ROR2: variants seen among roughly 807,000 people sequenced by gnomAD.
ROR2 encodes the protein ROR family WNT receptor 2, also known as tyrosine-protein kinase transmembrane receptor ROR2.
ROR2 carries 33 observed loss-of-function variants against 74.9 expected under a neutral mutation model. The observed-to-expected ratio is 0.44, with a 90% CI of 0.33 to 0.59. The LOEUF (loss-of-function observed/expected upper bound fraction) is 0.59. ROR2 is among the 20% of genes least tolerant of loss of function. The probability of loss-of-function intolerance (pLI) is 0.02; values close to 1 mark genes in which losing one functional copy is unlikely to be tolerated. For synonymous variants in ROR2, 586 were observed against 558.7 expected (o/e 1.05, Z -0.69); for missense variants, 1,216 against 1,313.8 (o/e 0.93, Z 1.15).
chr9:91,854,362 A>T (rs1395860283), intron 1 of ROR2, among the ~76,000 whole-genome samples: 1 of 152,196 alleles, frequency 6.6e-6, no homozygotes, highest in Non-Finnish European at 1.5e-5. Context: ...GGCCAATGGC[A>T]ACACTCTCCA....
At chr9:91,752,092 C>G (rs1403220483) in intron 4 of ROR2, among the ~76,000 whole-genome samples, 1 of 152,128 alleles carries the variant, frequency 6.6e-6, no homozygotes, top group Non-Finnish European at 1.5e-5. Flanking sequence ...AAAGGCTGAC[C>G]ACACCAATGT....
chr9:91,898,122 C>T (rs966980817), intron 1 of ROR2, among the ~76,000 whole-genome samples: 8 of 152,162 alleles, frequency 5.3e-5, no homozygotes, highest in African/African-American at 9.7e-5. Context: ...TCATGGTCAC[C>T]GGTTCTGGAA....
intron 1 of ROR2, among the ~76,000 whole-genome samples, chr9:91,865,216 T>C (rs1338043381): frequency 6.6e-6 from 1 of 152,220 alleles, no homozygotes; most frequent in East Asian, 1.9e-4. Flanking sequence ...ATGAAGGCAC[T>C]TGCTGCTCTT....
At chr9:91,727,687 TTC>T (rs111850773) in intron 7 of ROR2, among the ~76,000 whole-genome samples, 2,657 of 152,266 alleles carry the variant, frequency 0.017, 69 homozygotes, top group African/African-American at 0.061. Context: ...AACCACGGTG[TTC>T]TGTTTTCTCC....
chr9:91,914,580 G>A lies in ROR2; in HGVS notation c.97+35287C>T, dbSNP rs540231466. Among the ~76,000 whole-genome samples the A allele has an allele frequency of 3.9e-5, 6 of 152,278 alleles. No homozygotes were observed. In the East Asian group the frequency reaches 5.8e-4, roughly 15 times the overall value. ...CCTTGTGGGCACAGTGGCCGCTCCA[G>A]GGATCACACCAGCTACTGACTAAAC... On this transcript the variant is annotated intron_variant, in intron 1 of 8. Transcript: ENST00000375708.
At chr9:91,768,580 G>A (rs1826129764) in intron 2 of ROR2, among the ~76,000 whole-genome samples, 1 of 152,162 alleles carries the variant, frequency 6.6e-6, no homozygotes, top group African/African-American at 2.4e-5. Context: ...TCAGATGAGG[G>A]AAACGGCCGC....
At chr9:91,859,010 A>T (rs181980986) in intron 1 of ROR2, among the ~76,000 whole-genome samples, 1,910 of 152,176 alleles carry the variant, frequency 0.013, 43 homozygotes, top group African/African-American at 0.043. Context: ...AGGAGGGATG[A>T]AGAACAAATG....
At chr9:91,817,440 A>G (rs939205133) in intron 1 of ROR2, among the ~76,000 whole-genome samples, 1 of 152,194 alleles carries the variant, frequency 6.6e-6, no homozygotes, top group Non-Finnish European at 1.5e-5. Context: ...TCTCTACCTC[A>G]AGGCACCAGG....
intron 1 of ROR2, among the ~76,000 whole-genome samples, chr9:91,945,772 G>T (rs1312454554): frequency 6.6e-6 from 1 of 152,024 alleles, no homozygotes; most frequent in Non-Finnish European, 1.5e-5. Context: ...CAATTCTTTG[G>T]CCACTCTACG....
intron 1 of ROR2, among the ~76,000 whole-genome samples, chr9:91,918,105 A>C (rs1831180833): frequency 6.6e-6 from 1 of 152,110 alleles, no homozygotes; most frequent in Non-Finnish European, 1.5e-5. Flanking sequence ...CCCCGTCTCT[A>C]CTAAATATAA....
intron 1 of ROR2, among the ~76,000 whole-genome samples, chr9:91,821,170 G>A (rs1327272650): frequency 1.3e-5 from 2 of 151,720 alleles, no homozygotes; most frequent in Admixed American, 6.6e-5. Flanking sequence ...TGAGGACACA[G>A]GGAGAAGACA....
At chr9:91,857,834 G>T (rs111862502) in intron 1 of ROR2, among the ~76,000 whole-genome samples, 2 of 152,166 alleles carry the variant, frequency 1.3e-5, no homozygotes, top group African/African-American at 4.8e-5. Context: ...TTCATTGAAC[G>T]GAGTATTTAG....
intron 5 of ROR2, among the ~76,000 whole-genome samples, chr9:91,736,098 A>G (rs757305619): frequency 6.6e-6 from 1 of 152,172 alleles, no homozygotes; most frequent in Non-Finnish European, 1.5e-5. Flanking sequence ...ACCTTTGAGA[A>G]GTCCTACTTT....
intron 1 of ROR2, among the ~76,000 whole-genome samples, chr9:91,820,026 TGAA>T (rs1322574537): frequency 2.0e-5 from 3 of 152,328 alleles, no homozygotes; most frequent in African/African-American, 4.8e-5. Flanking sequence ...ACCTGTCATA[TGAA>T]GAAGAAGGGG....
intron 2 of ROR2, among the ~76,000 whole-genome samples, chr9:91,774,348 T>C (rs917477049): frequency 1.3e-5 from 2 of 152,144 alleles, no homozygotes; most frequent in Non-Finnish European, 1.5e-5. Context: ...AGCCACTCTG[T>C]AGATTGGACA....
At chr9:91,748,268 C>T (rs1006445131) in intron 4 of ROR2, among the ~76,000 whole-genome samples, 4 of 148,650 alleles carry the variant, frequency 2.7e-5, no homozygotes, top group Non-Finnish European at 4.4e-5. Flanking sequence ...AAAAGCGAGA[C>T]GCTGTCTCAA....
intron 1 of ROR2, among the ~76,000 whole-genome samples, chr9:91,913,039 G>C (rs1056681938): frequency 6.6e-6 from 1 of 152,192 alleles, no homozygotes; most frequent in African/African-American, 2.4e-5. Flanking sequence ...TGAGGCAGGA[G>C]AATCGCTTGA....
chr9:91,773,478 C>A (rs911588560), intron 2 of ROR2, among the ~76,000 whole-genome samples: 27 of 152,350 alleles, frequency 1.8e-4, no homozygotes, highest in African/African-American at 5.8e-4. Flanking sequence ...CTGTGCAGGG[C>A]GTAGCCCAGG....
chr9:91,733,030 C>G lies in ROR2; in HGVS notation c.937+92G>C. 7.9e-7 allele frequency: 1 copy of G among 1,269,248 alleles called. No individual in the cohort carries two copies. The highest frequency in any genetic ancestry group is 1.1e-6 in the Non-Finnish European group (1 of 918,760). 78.6% of individuals were successfully genotyped at this position (1,269,248 alleles called of 1,614,324 possible). ...TTCTGTGGGGCCTGGACAGATGGGG[C>G]TCCCTGGGCTTCACCGACACCCCCA... On this transcript the variant is annotated intron_variant, in intron 6 of 8. Coordinates refer to ENST00000375708, the MANE Select transcript of ROR2 (RefSeq NM_004560.4). The surrounding 1 kb of genome is among the most constrained non-coding windows in gnomAD (Gnocchi z 5.7).
Sources: allele counts gnomAD v4.1 joint callset (sites outside exome capture counted in the v4.1 genomes callset), GRCh38; gene constraint gnomAD v4.1.1; non-coding constraint Gnocchi (gnomAD v3.1); transcripts MANE v1.5; gene names NCBI Gene and HGNC (gene_info 2026-07-23, HGNC 2026-07-21).